Variants in GATA6 observed in about 807,000 individuals in gnomAD.
GATA6 encodes the protein GATA binding protein 6.
A neutral mutation model predicts 48.1 loss-of-function variants in GATA6; 11 were observed. The ratio of observed to expected loss-of-function variants is 0.23; its 90% confidence interval spans 0.14 to 0.38. The LOEUF (loss-of-function observed/expected upper bound fraction) is 0.38, where lower values mean the gene tolerates loss of function less well. Ranked by LOEUF, GATA6 falls within the 10% of genes least tolerant of loss-of-function variation. GATA6 has a pLI of 1.00. For synonymous variants in GATA6, 419 were observed against 396.1 expected, an observed-to-expected ratio of 1.06 and a Z score of -0.69; for missense variants, 795 against 850.3, an observed-to-expected ratio of 0.93 and a Z score of 0.81.
chr18:22,196,498 T>A (rs1218394414), intron 6 of GATA6, among the ~76,000 whole-genome samples: 1 of 152,164 alleles, frequency 6.6e-6, no homozygotes, highest in Non-Finnish European at 1.5e-5. Context: ...CCCAGCACTT[T>A]GGGAGGCTGA....
chr18:22,171,085 C>T lies in GATA6; in HGVS notation c.-37-23C>T, dbSNP rs2033031024. ...TTAACCCGTCGATCTCCTACCATAC[C>T]CGTCTCCCCCACCCCACCTCAGGAG... On this transcript the variant is annotated intron_variant, in intron 1 of 6. Coordinates refer to ENST00000269216, the MANE Select transcript of GATA6 (RefSeq NM_005257.6). The surrounding 1 kb of genome is among the most constrained non-coding windows in gnomAD (Gnocchi z 7.1). The T allele has an allele frequency of 1.4e-6, 2 of 1,472,558 alleles. No individual in the cohort carries two copies. Among genetic ancestry groups the T allele is most frequent in the East Asian group, 4.6e-5 (2 of 43,682 alleles). 91.2% of individuals were successfully genotyped at this position (1,472,558 alleles called of 1,614,324 possible).
At position 22,200,833 on chromosome 18, in the gene GATA6, G is replaced by A. The variant is rs1459688319; in HGVS notation, c.*10G>A. 1.9e-6 allele frequency: 3 copies of A among 1,604,218 alleles called. No individual in the cohort carries two copies. The highest frequency in any genetic ancestry group is 1.1e-5 in the South Asian group (1 of 90,482). ...CCTGGCCCTGGCCTGAGCCCACGCC[G>A]CCAGGAGGCAGGGAGGGCTCCGCCG... is the stretch of plus-strand genomic sequence containing the variant. On this transcript the variant is annotated 3_prime_UTR_variant, in exon 7 of 7. Coordinates refer to ENST00000269216, the MANE Select transcript of GATA6 (RefSeq NM_005257.6).
At chr18:22,191,032 CGTGTGTGT>C (rs57925913) in intron 6 of GATA6, among the ~76,000 whole-genome samples, 2,926 of 121,172 alleles carry the variant, frequency 0.024, 122 homozygotes, top group African/African-American at 0.079. Context: ...TTTTAAATCT[CGTGTGTGT>C]GTGTGTGTGT....
intron 6 of GATA6, among the ~76,000 whole-genome samples, chr18:22,193,667 CT>C (rs1253562722): frequency 6.6e-6 from 1 of 152,226 alleles, no homozygotes; most frequent in Non-Finnish European, 1.5e-5. Flanking sequence ...CCATCAAAGT[CT>C]TCTGCTCTGG....
Position 22,172,046 on chromosome 18 carries a change from C to T in GATA6, c.902C>T (p.Ala301Val). Reference protein sequence around the residue: ...GGVSGGGSSLAAMGGREPQYS... With the variant: ...GGVSGGGSSLVAMGGREPQYS... ...GTGAGCGGCGGCGGCAGTAGCCTGGCGGCCATGGGCGGCCGCGAGCCCCAG... is the reference window on the plus strand; with the variant it reads ...GTGAGCGGCGGCGGCAGTAGCCTGGTGGCCATGGGCGGCCGCGAGCCCCAG... Residue 301 changes from alanine (A) to valine (V), a missense_variant, in exon 2 of 7, where the codon GCG becomes GTG. Physicochemically the swap from Ala to Val is moderately conservative, Grantham distance 64 (BLOSUM62 0). Transcript: ENST00000269216. This position sits in a 1 kb window ranked among gnomAD's most constrained non-coding sequence, Gnocchi z 5.2. 7.9e-7 allele frequency: 1 copy of T among 1,263,768 alleles called. No individual in the cohort carries two copies. Among genetic ancestry groups the T allele is most frequent in the Non-Finnish European group, 9.9e-7 (1 of 1,007,664 alleles). 78.3% of individuals were successfully genotyped at this position (1,263,768 alleles called of 1,614,324 possible).
intron 6 of GATA6, among the ~76,000 whole-genome samples, chr18:22,191,618 C>A (rs566754238): frequency 5.9e-5 from 9 of 152,248 alleles, no homozygotes; most frequent in Middle Eastern, 3.4e-3. Flanking sequence ...TCTGTTAGTT[C>A]TGTTCATGTT....
chr18:22,188,871 G>C (rs559601985), intron 6 of GATA6, among the ~76,000 whole-genome samples: 1 of 151,918 alleles, frequency 6.6e-6, no homozygotes, highest in Non-Finnish European at 1.5e-5. Context: ...AGGATGGTTG[G>C]AGTGGCTGCC....
rs2033195222 is a variant in GATA6, at chr18:22,181,482, T to C, written c.1332T>C (p.Cys444=). The C allele has an allele frequency of 6.2e-7, 1 of 1,614,118 alleles. No homozygotes were observed. The highest frequency in any genetic ancestry group is 8.5e-7 in the Non-Finnish European group (1 of 1,180,040). Residue 444 remains cysteine (C), a synonymous_variant, in exon 4 of 7, where the codon TGT becomes TGC. Coordinates refer to ENST00000269216, the MANE Select transcript of GATA6 (RefSeq NM_005257.6). ...VPSSRRLGLS[C]ANCHTTTTTL... The stretch of plus-strand genomic sequence containing the variant: ...CATCACGGCGGCTTGGATTGTCCTG[T>C]GCCAACTGTCACACCACAACTACCA...
intron 6 of GATA6, among the ~76,000 whole-genome samples, chr18:22,192,311 T>A (rs974926629): frequency 6.6e-6 from 1 of 152,220 alleles, no homozygotes; most frequent in African/African-American, 2.4e-5. Flanking sequence ...CTTTGAAGTT[T>A]AAGAAGAATA....
chr18:22,198,074 C>CTT (rs67205814), intron 6 of GATA6, among the ~76,000 whole-genome samples: 20 of 126,352 alleles, frequency 1.6e-4, no homozygotes, highest in Middle Eastern at 3.9e-3. Context: ...CTCTTTCTTT[C>CTT]TTTTTTTTTT....
intron 6 of GATA6, among the ~76,000 whole-genome samples, chr18:22,191,365 G>T (rs111410506): frequency 1.6e-5 from 1 of 64,082 alleles, no homozygotes; most frequent in Non-Finnish European, 3.1e-5. Context: ...TCTCCCACCC[G>T]CCCCCCCAAC....
intron 3 of GATA6, among the ~76,000 whole-genome samples, chr18:22,178,867 T>C (rs1156710736): frequency 1.3e-5 from 2 of 152,206 alleles, no homozygotes; most frequent in Admixed American, 6.5e-5. Flanking sequence ...ACATGAACAA[T>C]GAAACCGATT....
rs766446166 is a variant in GATA6 at position 22,200,753 on chromosome 18, G to A, written c.1718G>A (p.Ser573Asn). Residue 573 changes from serine to asparagine, a missense_variant, in exon 7 of 7, where the codon AGT becomes AAT. By Grantham distance (46) the Ser-to-Asn change is conservative (BLOSUM62 1). Coordinates refer to ENST00000269216, the MANE Select transcript of GATA6 (RefSeq NM_005257.6). ...SGQDGLYIGV[S>N]LASPAEVTSS... is the part of the protein sequence containing the mutation. ...CAAGATGGGCTCTACATAGGCGTCA[G>A]TCTCGCCTCGCCGGCCGAAGTCACG... 1.1e-5 allele frequency: 18 copies of A among 1,614,066 alleles called. No homozygotes were observed. Among genetic ancestry groups the A allele is most frequent in the Non-Finnish European group, 1.5e-5 (18 of 1,180,032 alleles).
At chr18:22,179,258 G>T (rs1053650863) in intron 3 of GATA6, among the ~76,000 whole-genome samples, 1 of 152,208 alleles carries the variant, frequency 6.6e-6, no homozygotes, top group Non-Finnish European at 1.5e-5. Flanking sequence ...ATCTGGCTTA[G>T]TTCTCAGAAG....
chr18:22,178,843 A>T (rs987385234), intron 3 of GATA6, among the ~76,000 whole-genome samples: 3 of 152,224 alleles, frequency 2.0e-5, no homozygotes, highest in African/African-American at 7.2e-5. Flanking sequence ...CCTTGTTTTC[A>T]TATAATAGAC....
rs919012580 is a variant in GATA6 at position 22,171,912 on chromosome 18, G to A, written c.768G>A (p.Ala256=). 1.6e-5 allele frequency: 19 copies of A among 1,167,964 alleles called. No individual in the cohort carries two copies. The Admixed American group carries it at 2.3e-4, about 14-fold the overall frequency. The allele number at this position is 1,167,964 out of a possible 1,614,324, so 72.4% of individuals were successfully genotyped here. ...AAGPGGAGSA[A]AHVSARFPYS... The stretch of plus-strand genomic sequence containing the variant: ...GGCCTGGCGGCGCTGGCTCAGCCGC[G>A]GCGCACGTCTCGGCGCGCTTCCCCT... Residue 256 remains alanine, a synonymous_variant, in exon 2 of 7, where the codon GCG becomes GCA. Coordinates refer to ENST00000269216, the MANE Select transcript of GATA6 (RefSeq NM_005257.6). The surrounding 1 kb of genome is among the most constrained non-coding windows in gnomAD (Gnocchi z 7.1).
chr18:22,181,670 CAA>C, intron 4 of GATA6, 92 bp downstream of exon 4: 4 of 1,443,578 alleles, frequency 2.8e-6, no homozygotes, highest in Non-Finnish European at 3.9e-6. Context: ...GAAAGATACT[CAA>C]GTGAAAAATT....
In GATA6 at chr18:22,170,053, A is replaced by T. The variant is rs2033010374; in HGVS notation, c.-38+371A>T. 6.6e-6 allele frequency among the ~76,000 whole-genome samples: 1 copy of T among 152,164 alleles called. No homozygotes were observed. The highest frequency in any genetic ancestry group is 6.5e-5 in the Admixed American group (1 of 15,282). ...TCTCCGATGAGCCGAGGCGATTTGG[A>T]AGAGCAGCCTGGAGGAGGCCAGCCC... On this transcript the variant is annotated intron_variant, in intron 1 of 6. Transcript: ENST00000269216. This position sits in a 1 kb window ranked among gnomAD's most constrained non-coding sequence, Gnocchi z 6.7.
rs559951478 is a variant in GATA6, at chr18:22,177,198, G to C, written c.1302+77G>C. On this transcript the variant is annotated intron_variant, in intron 3 of 6. Coordinates refer to ENST00000269216, the MANE Select transcript of GATA6 (RefSeq NM_005257.6). The stretch of plus-strand genomic sequence containing the variant: ...GGCCCGGCCGGCCCCGCCCTGGCTC[G>C]GCCTGCCTTGGGCGTCCCCCTCCCA... The C allele has an allele frequency of 1.5e-4, 205 of 1,388,084 alleles. 1 individual carries two copies. The South Asian group carries it at 2.1e-3, about 14-fold the overall frequency. 86.0% of individuals were successfully genotyped at this position (1,388,084 alleles called of 1,614,324 possible).
Sources: allele counts gnomAD v4.1 joint callset (sites outside exome capture counted in the v4.1 genomes callset), GRCh38; gene constraint gnomAD v4.1.1; non-coding constraint Gnocchi (gnomAD v3.1); transcripts MANE v1.5; gene names NCBI Gene and HGNC (gene_info 2026-07-23, HGNC 2026-07-21).